Variants in JAKMIP1 observed in about 807,000 individuals in gnomAD.
JAKMIP1 encodes janus kinase and microtubule-interacting protein 1.
In JAKMIP1, 33 loss-of-function variants were observed where a neutral mutation model predicts 113.0. The ratio of observed to expected loss-of-function variants is 0.29; its 90% CI spans 0.22 to 0.39. JAKMIP1 has a LOEUF of 0.39. Among genes scored for constraint, JAKMIP1 ranks in the 10% least tolerant of loss-of-function variants. The pLI, the probability that JAKMIP1 is intolerant of heterozygous loss-of-function variation, is 1.00. For missense variants in JAKMIP1, 813 were observed against 1,080.5 expected (o/e 0.75, Z 3.47); for synonymous variants, 480 against 459.9 (o/e 1.04, Z -0.56).
At chr4:6,027,115 A>C (rs979989251) in intron 20 of JAKMIP1, among the ~76,000 whole-genome samples, 2 of 152,084 alleles carry the variant, frequency 1.3e-5, no homozygotes, top group East Asian at 3.9e-4. Flanking sequence ...GGGAGGAAAA[A>C]TTAAACACAC....
In JAKMIP1 at chr4:6,180,618, C is replaced by T. The variant is rs1486806124; in HGVS notation, c.-148+19635G>A. Among the ~76,000 whole-genome samples, 1 of 152,146 alleles carries T rather than the reference C, an allele frequency of 6.6e-6. No homozygotes were observed. The highest frequency in any genetic ancestry group is 1.5e-5 in the Non-Finnish European group (1 of 68,036). On this transcript the variant is annotated intron_variant, in intron 1 of 20. Transcript: ENST00000409021. The surrounding 1 kb of genome is among the most constrained non-coding windows in gnomAD (Gnocchi z 4.5). ...AACTGTTTCAAACTGTCCAAATTAC[C>T]TAGTATTCTGCAGCCCTGTGACAAG...
At position 6,179,215 on chromosome 4, in the gene JAKMIP1, G is replaced by A. The variant is rs1165593907; in HGVS notation, c.-148+21038C>T. ...CTGGGCAGCCCTATGTGGCTGGAGA[G>A]AGGGTGAGATTCTCATCTCAAAGCC... On this transcript the variant is annotated intron_variant, in intron 1 of 20. Transcript: ENST00000409021. This position sits in a 1 kb window ranked among gnomAD's most constrained non-coding sequence, Gnocchi z 4.5. 6.6e-6 allele frequency among the ~76,000 whole-genome samples: 1 copy of A among 152,180 alleles called. No homozygotes were observed. The highest frequency in any genetic ancestry group is 1.5e-5 in the Non-Finnish European group (1 of 68,034).
rs1719057044 is a variant in JAKMIP1, at chr4:6,135,236, TA to T, written c.-147-22240del. ...AAGGTCTTTATGGAGGTAAGTTAGGTAAAATGGGGCTGTGGATTAGGGTGGG... is the reference window on the plus strand; with the variant it reads ...AAGGTCTTTATGGAGGTAAGTTAGGTAAATGGGGCTGTGGATTAGGGTGGG... On this transcript the variant is annotated intron_variant, in intron 1 of 20. Coordinates refer to ENST00000409021, the MANE Select transcript of JAKMIP1 (RefSeq NM_001099433.2). The surrounding 1 kb of genome is among the most constrained non-coding windows in gnomAD (Gnocchi z 4.9). Among the ~76,000 whole-genome samples, 2 of 151,992 alleles carry T rather than the reference TA, an allele frequency of 1.3e-5. No homozygotes were observed. Among genetic ancestry groups the T allele is most frequent in the Admixed American group, 1.3e-4 (2 of 15,272 alleles).
Position 6,188,814 on chromosome 4 carries a change from G to T in JAKMIP1, c.-148+11439C>A, listed in dbSNP as rs1469157404. 6.6e-6 allele frequency among the ~76,000 whole-genome samples: 1 copy of T among 152,168 alleles called. No homozygotes were observed. Among genetic ancestry groups the T allele is most frequent in the Non-Finnish European group, 1.5e-5 (1 of 68,022 alleles). On this transcript the variant is annotated intron_variant, in intron 1 of 20. Coordinates refer to ENST00000409021, the MANE Select transcript of JAKMIP1 (RefSeq NM_001099433.2). The surrounding 1 kb of genome is among the most constrained non-coding windows in gnomAD (Gnocchi z 5.8). ...CAATACACAGGCTCTCACAGACTTGGTTCATCCTGGGTGCCTATGGTACTT... is the reference window on the plus strand; with the variant it reads ...CAATACACAGGCTCTCACAGACTTGTTTCATCCTGGGTGCCTATGGTACTT...
chr4:6,194,047 G>A lies in JAKMIP1; in HGVS notation c.-148+6206C>T, dbSNP rs757261790. Among the ~76,000 whole-genome samples the A allele has an allele frequency of 7.2e-5, 11 of 152,100 alleles. No individual in the cohort carries two copies. Among genetic ancestry groups the A allele is most frequent in the Non-Finnish European group, 1.0e-4 (7 of 68,018 alleles). Reference sequence around the variant, plus strand: ...ATATCAGGCTAAGTGGAAGAAGCCAGCCACATACGATCTGGTTCTACATCT... The same window carrying A: ...ATATCAGGCTAAGTGGAAGAAGCCAACCACATACGATCTGGTTCTACATCT... On this transcript the variant is annotated intron_variant, in intron 1 of 20. Coordinates refer to ENST00000409021, the MANE Select transcript of JAKMIP1 (RefSeq NM_001099433.2). The surrounding 1 kb of genome is among the most constrained non-coding windows in gnomAD (Gnocchi z 7.4).
intron 10 of JAKMIP1, 110 bp downstream of exon 10, chr4:6,062,202 C>G (rs1717384124): frequency 1.6e-6 from 2 of 1,224,266 alleles, no homozygotes; most frequent in East Asian, 2.3e-5. Flanking sequence ...CCCACCACCT[C>G]TCAGAATCCC....
At chr4:6,113,577 CTG>C (rs1312103969) in intron 1 of JAKMIP1, among the ~76,000 whole-genome samples, 1 of 152,192 alleles carries the variant, frequency 6.6e-6, no homozygotes, top group Non-Finnish European at 1.5e-5. Context: ...GATGAGGAAA[CTG>C]AGACACACAG....
At chr4:6,072,685 A>G (rs1032531659) in intron 8 of JAKMIP1, among the ~76,000 whole-genome samples, 2 of 152,244 alleles carry the variant, frequency 1.3e-5, no homozygotes, top group African/African-American at 4.8e-5. Flanking sequence ...GGCACCATCC[A>G]GCCCTCATGA....
At chr4:6,149,515 C>T (rs1721300859) in intron 1 of JAKMIP1, among the ~76,000 whole-genome samples, 1 of 152,182 alleles carries the variant, frequency 6.6e-6, no homozygotes, top group Non-Finnish European at 1.5e-5. Flanking sequence ...AATTTGGGAC[C>T]TGAAACCAAC....
rs777314238 is a variant in JAKMIP1 at position 6,042,133 on chromosome 4, C to G, written c.2097+26G>C. ...TCTGAGCTCTTTGAACCCTCTCCCC[C>G]ACCCCCAGGCAGTCAAATCTTTTAC... On this transcript the variant is annotated intron_variant, in intron 17 of 20. Coordinates refer to ENST00000409021, the MANE Select transcript of JAKMIP1 (RefSeq NM_001099433.2). This position sits in a 1 kb window ranked among gnomAD's most constrained non-coding sequence, Gnocchi z 5.2. 6.3e-6 allele frequency: 10 copies of G among 1,597,912 alleles called. No homozygotes were observed. Among genetic ancestry groups the G allele is most frequent in the Admixed American group, 3.3e-5 (2 of 59,980 alleles).
intron 2 of JAKMIP1, among the ~76,000 whole-genome samples, chr4:6,112,142 T>C (rs4257719): frequency 0.99 from 150,223 of 152,324 alleles, 74,110 homozygotes; most frequent in Middle Eastern, 1. Flanking sequence ...AGTTCCTATA[T>C]GATGAACTGC....
At chr4:6,117,164 GTGTGACTCGGATTTCCATTTCAC>G (rs1301016933) in intron 1 of JAKMIP1, among the ~76,000 whole-genome samples, 1 of 152,204 alleles carries the variant, frequency 6.6e-6, no homozygotes, top group Admixed American at 6.5e-5. Flanking sequence ...CATTAGCAGG[GTGTGACTCGGATTTCCATTTCAC>G]TGAAGTGCAG....
At chr4:6,112,666 A>G in intron 2 of JAKMIP1, 56 bp downstream of exon 2, 5 of 1,587,448 alleles carry the variant, frequency 3.1e-6, no homozygotes, top group Non-Finnish European at 8.6e-7. Context: ...CAGAGGCAAC[A>G]CTGCCCAAAG....
rs1195893585 is a variant in JAKMIP1, at chr4:6,168,709, G to A, written c.-148+31544C>T. Among the ~76,000 whole-genome samples, 1 of 151,882 alleles carries A rather than the reference G, an allele frequency of 6.6e-6. No individual in the cohort carries two copies. Among genetic ancestry groups the A allele is most frequent in the African/African-American group, 2.4e-5 (1 of 41,302 alleles). On this transcript the variant is annotated intron_variant, in intron 1 of 20. Coordinates refer to ENST00000409021, the MANE Select transcript of JAKMIP1 (RefSeq NM_001099433.2). This position sits in a 1 kb window ranked among gnomAD's most constrained non-coding sequence, Gnocchi z 4.6. ...AGTCCAAGACCAGCTTGGACAGGAT[G>A]GCAAATCCATGTCTCTACAAAAAAA... is the stretch of plus-strand genomic sequence containing the variant.
chr4:6,074,699 G>A (rs60663357), intron 8 of JAKMIP1, among the ~76,000 whole-genome samples: 75,018 of 152,108 alleles, frequency 0.49, 20,564 homozygotes, highest in Non-Finnish European at 0.64. Context: ...ACCTAATACA[G>A]TGCAGATGCC....
rs1553821421 is a variant in JAKMIP1 at position 6,080,984 on chromosome 4, T to TATACACACACACAC, written c.1101+624_1101+625insGTGTGTGTGTGTAT. The stretch of plus-strand genomic sequence containing the variant: ...GGAGAGGACTTCACACAACAGCAAT[T>TATACACACACACAC]ACACACACACACACACACACACACA... On this transcript the variant is annotated intron_variant, in intron 6 of 20. Coordinates refer to ENST00000409021, the MANE Select transcript of JAKMIP1 (RefSeq NM_001099433.2). This position sits in a 1 kb window ranked among gnomAD's most constrained non-coding sequence, Gnocchi z 6.0. Among the ~76,000 whole-genome samples, 2 of 140,982 alleles carry TATACACACACACAC rather than the reference T, an allele frequency of 1.4e-5. No homozygotes were observed. The highest frequency in any genetic ancestry group is 3.0e-5 in the Non-Finnish European group (2 of 66,100). The allele number at this position is 140,982 out of a possible 152,430, so 92.5% of individuals were successfully genotyped here.
Position 6,056,773 on chromosome 4 carries a change from C to T in JAKMIP1, c.1645-14G>A. ...CCACTTGGAATCCTAAGGAAAAGTA[C>T]TAAATATGGTCACATTCATGGAAGC... On this transcript the variant is annotated splice_polypyrimidine_tract_variant and intron_variant, in intron 11 of 20. Transcript: ENST00000409021. 1 of 1,584,330 alleles carries T rather than the reference C, an allele frequency of 6.3e-7. No individual in the cohort carries two copies. Among genetic ancestry groups the T allele is most frequent in the Non-Finnish European group, 8.7e-7 (1 of 1,154,030 alleles).
Position 6,064,650 on chromosome 4 carries a change from G to A in JAKMIP1, c.1431+230C>T, listed in dbSNP as rs575084960. On this transcript the variant is annotated intron_variant, in intron 9 of 20. Coordinates refer to ENST00000409021, the MANE Select transcript of JAKMIP1 (RefSeq NM_001099433.2). This position sits in a 1 kb window ranked among gnomAD's most constrained non-coding sequence, Gnocchi z 4.3. ...TCCTTGGTGGGGAAATCAGTGCTGG[G>A]GAAAGAAAGGGTCCCCACGTGCTGC... Among the ~76,000 whole-genome samples the A allele has an allele frequency of 4.1e-4, 63 of 152,160 alleles. No individual in the cohort carries two copies. Among genetic ancestry groups the A allele is most frequent in the Non-Finnish European group, 7.5e-4 (51 of 67,998 alleles).
In JAKMIP1 at chr4:6,065,587, A is replaced by G. The variant is rs750356151; in HGVS notation, c.1303-579T>C. 1.3e-5 allele frequency among the ~76,000 whole-genome samples: 2 copies of G among 152,248 alleles called. No homozygotes were observed. The highest frequency in any genetic ancestry group is 2.9e-5 in the Non-Finnish European group (2 of 68,036). On this transcript the variant is annotated intron_variant, in intron 8 of 20. Coordinates refer to ENST00000409021, the MANE Select transcript of JAKMIP1 (RefSeq NM_001099433.2). This position sits in a 1 kb window ranked among gnomAD's most constrained non-coding sequence, Gnocchi z 5.1. Reference sequence around the variant, plus strand: ...CAAATGTGTGGCCCAAGTCCTGGCCAGACCCACACTTAGAGGCAATCTCTG... The same window carrying G: ...CAAATGTGTGGCCCAAGTCCTGGCCGGACCCACACTTAGAGGCAATCTCTG...
Sources: allele counts gnomAD v4.1 joint callset (sites outside exome capture counted in the v4.1 genomes callset), GRCh38; gene constraint gnomAD v4.1.1; non-coding constraint Gnocchi (gnomAD v3.1); transcripts MANE v1.5; gene names NCBI Gene and HGNC (gene_info 2026-07-23, HGNC 2026-07-21).